The following GNB1 variants were observed in gnomAD, a reference collection of about 807,000 sequenced individuals.
GNB1 encodes the protein G protein subunit beta 1.
Under a neutral mutation model 42.9 loss-of-function variants are expected in GNB1, and 2 were observed. The observed-to-expected ratio is 0.05, with a 90% confidence interval of 0.02 to 0.15. The LOEUF is 0.15. Among genes scored for constraint, GNB1 ranks in the 10% least tolerant of loss-of-function variants. The probability of loss-of-function intolerance (pLI) is 1.00; values close to 1 mark genes in which losing one functional copy is unlikely to be tolerated. For missense variants in GNB1, 193 were observed against 462.2 expected, an observed-to-expected ratio of 0.42 and a Z score of 5.34; for synonymous variants, 183 against 174.7, an observed-to-expected ratio of 1.05 and a Z score of -0.38.
chr1:1,890,053 G>C (rs1027904175), intron 1 of GNB1, among the ~76,000 whole-genome samples: 1 of 152,110 alleles, frequency 6.6e-6, no homozygotes, highest in Non-Finnish European at 1.5e-5. Context: ...GCGCCATCTT[G>C]GCGCGGCCAC....
chr1:1,834,113 G>A (rs894565496), intron 2 of GNB1, among the ~76,000 whole-genome samples: 12 of 152,062 alleles, frequency 7.9e-5, no homozygotes, highest in African/African-American at 2.9e-4. Context: ...TCTCCTTCAT[G>A]TCCCAGTCAC....
chr1:1,862,519 C>T (rs950301123), intron 1 of GNB1, among the ~76,000 whole-genome samples: 1 of 151,282 alleles, frequency 6.6e-6, no homozygotes, highest in Non-Finnish European at 1.5e-5. Context: ...CAGGCTGGAG[C>T]GGCACAATTA....
At chr1:1,842,995 T>C (rs534809894) in intron 1 of GNB1, among the ~76,000 whole-genome samples, 37 of 152,250 alleles carry the variant, frequency 2.4e-4, no homozygotes, top group Non-Finnish European at 3.8e-4. Context: ...TGTGTGTGTG[T>C]CCCCAGGAGG....
intron 1 of GNB1, among the ~76,000 whole-genome samples, chr1:1,884,707 G>C (rs1253174988): frequency 1.3e-5 from 2 of 151,034 alleles, no homozygotes; most frequent in Non-Finnish European, 3.0e-5. Flanking sequence ...TTGAGAGACG[G>C]AGTCTTGCTC....
intron 7 of GNB1, among the ~76,000 whole-genome samples, chr1:1,797,208 T>G (rs768176732): frequency 1.1e-4 from 16 of 152,164 alleles, no homozygotes; most frequent in Non-Finnish European, 2.4e-4. Flanking sequence ...CAGCAATGTT[T>G]ATAATAAATT....
intron 7 of GNB1, among the ~76,000 whole-genome samples, chr1:1,804,012 G>T (rs1196521938): frequency 5.4e-4 from 67 of 123,036 alleles, no homozygotes; most frequent in African/African-American, 1.9e-3. Flanking sequence ...AAGAAAAAAA[G>T]GCTGGGTGTG....
rs933752022 is a variant in GNB1 at position 1,852,084 on chromosome 1, A to AT, written c.-95-12847_-95-12846insA. Among the ~76,000 whole-genome samples the AT allele has an allele frequency of 4.0e-4, 60 of 150,834 alleles. 1 individual carries two copies. Among genetic ancestry groups the AT allele is most frequent in the African/African-American group, 1.2e-3 (49 of 40,206 alleles). ...AGAGACATTCACTTTACTGGAAAAA[A>AT]AAAAATCAACATATTGTGGTTGAAT... On this transcript the variant is annotated intron_variant, in intron 1 of 11. Coordinates refer to ENST00000378609, the MANE Select transcript of GNB1 (RefSeq NM_002074.5).
intron 2 of GNB1, among the ~76,000 whole-genome samples, chr1:1,827,636 G>A (rs1397908578): frequency 6.6e-6 from 1 of 152,166 alleles, no homozygotes; most frequent in Non-Finnish European, 1.5e-5. Context: ...AGGACAAGAT[G>A]AGCAGTGTCT....
chr1:1,788,874 G>C (rs1054706418), intron 10 of GNB1, 179 bp downstream of exon 10: 11 of 579,538 alleles, frequency 1.9e-5, no homozygotes, highest in African/African-American at 9.4e-5. Flanking sequence ...GGTACTCCTC[G>C]GAGTCCACTT....
In GNB1 at chr1:1,786,140, TTGAC is replaced by T. The variant is rs1646403267; in HGVS notation, c.*919_*922del. On this transcript the variant is annotated 3_prime_UTR_variant, in exon 12 of 12. Transcript: ENST00000378609. ...TGTACATTGTTTCATACACAAATAA[TTGAC>T]TGACTATCCAAGCACAGGACAGGCA... 7.5e-6 allele frequency: 3 copies of T among 398,646 alleles called. No individual in the cohort carries two copies. Among genetic ancestry groups the T allele is most frequent in the Non-Finnish European group, 4.4e-6 (1 of 225,998 alleles). 24.7% of individuals were successfully genotyped at this position (398,646 alleles called of 1,614,324 possible).
At chr1:1,887,237 C>T (rs953364102) in intron 1 of GNB1, among the ~76,000 whole-genome samples, 3 of 152,126 alleles carry the variant, frequency 2.0e-5, no homozygotes, top group Non-Finnish European at 2.9e-5. Context: ...AGAAAAACAA[C>T]GACAAAACTA....
chr1:1,839,455 C>A (rs1156716447), intron 1 of GNB1, among the ~76,000 whole-genome samples: 1 of 152,112 alleles, frequency 6.6e-6, no homozygotes, highest in Non-Finnish European at 1.5e-5. Context: ...CTTTAAGAAT[C>A]CTTAGAAATG....
chr1:1,865,034 G>A (rs939540919), intron 1 of GNB1, among the ~76,000 whole-genome samples: 2 of 151,708 alleles, frequency 1.3e-5, no homozygotes, highest in Non-Finnish European at 1.5e-5. Context: ...AGGCTGAGGC[G>A]GGCAGATCAC....
chr1:1,816,644 CTTT>C (rs59065707), intron 4 of GNB1, among the ~76,000 whole-genome samples: 13 of 108,610 alleles, frequency 1.2e-4, no homozygotes, highest in Non-Finnish European at 1.5e-4. Context: ...TTTTTATTAT[CTTT>C]TTTTTTTTTT....
At chr1:1,807,627 C>T (rs114023517) in intron 5 of GNB1, among the ~76,000 whole-genome samples, 2,121 of 152,152 alleles carry the variant, frequency 0.014, 46 homozygotes, top group African/African-American at 0.049. Flanking sequence ...GAGGCGTTCC[C>T]TCCTCACCTG....
chr1:1,879,413 A>T (rs530379585), intron 1 of GNB1, among the ~76,000 whole-genome samples: 81 of 152,308 alleles, frequency 5.3e-4, no homozygotes, highest in African/African-American at 1.6e-3. Context: ...TATAAAGAAC[A>T]ACTACTTTCT....
intron 1 of GNB1, among the ~76,000 whole-genome samples, chr1:1,887,571 T>C (rs546653985): frequency 6.6e-6 from 1 of 152,328 alleles, no homozygotes; most frequent in East Asian, 1.9e-4. Context: ...TCAACATAAA[T>C]CTACCTAGAT....
chr1:1,866,529 T>G (rs1240810213), intron 1 of GNB1, among the ~76,000 whole-genome samples: 1 of 152,028 alleles, frequency 6.6e-6, no homozygotes, highest in Non-Finnish European at 1.5e-5. Flanking sequence ...GATGGACATT[T>G]AGATTCATCC....
chr1:1,836,933 G>C (rs1319838139), intron 2 of GNB1, among the ~76,000 whole-genome samples: 1 of 146,706 alleles, frequency 6.8e-6, no homozygotes, highest in East Asian at 2.0e-4. Context: ...CTGGCTTCAA[G>C]CAATCCTCCT....
Sources: allele counts gnomAD v4.1 joint callset (sites outside exome capture counted in the v4.1 genomes callset), GRCh38; gene constraint gnomAD v4.1.1; transcripts MANE v1.5; gene names NCBI Gene and HGNC (gene_info 2026-07-23, HGNC 2026-07-21).